AMMECR1L: variants seen among roughly 807,000 people sequenced by gnomAD.
The protein encoded by AMMECR1L is AMMECR1-like protein.
A neutral mutation model predicts 36.8 loss-of-function variants in AMMECR1L; 4 were observed. The observed-to-expected ratio is 0.11, with a 90% CI of 0.05 to 0.25. The LOEUF is 0.25. AMMECR1L is among the 10% of genes least tolerant of loss of function. The pLI is 1.00. For synonymous variants in AMMECR1L, 147 were observed against 148.0 expected, an observed-to-expected ratio of 0.99 and a Z score of 0.05; for missense variants, 232 against 392.1, an observed-to-expected ratio of 0.59 and a Z score of 3.45.
chr2:127,879,293 T>G (rs577308997), intron 2 of AMMECR1L, among the ~76,000 whole-genome samples: 21 of 152,364 alleles, frequency 1.4e-4, no homozygotes, highest in Middle Eastern at 3.4e-3. Context: ...CCTTTGGTGC[T>G]GCACTCCTGA....
intron 2 of AMMECR1L, among the ~76,000 whole-genome samples, chr2:127,875,528 A>G (rs1455852457): frequency 6.6e-6 from 1 of 152,192 alleles, no homozygotes. Flanking sequence ...TCAACCTTTT[A>G]AATTTCAAAT....
chr2:127,871,440 T>C lies in AMMECR1L; in HGVS notation c.408-81A>G, dbSNP rs1690960148. 4 of 1,381,814 alleles carry C rather than the reference T, an allele frequency of 2.9e-6. No individual in the cohort carries two copies. Among genetic ancestry groups the C allele is most frequent in the South Asian group, 2.5e-5 (2 of 80,888 alleles). The allele number at this position is 1,381,814 out of a possible 1,614,324, so 85.6% of individuals were successfully genotyped here. ...ACAAAACCTTTTGGCTTTGTCCCTATTCATTTCTGTTATTGCCAAAAATCC... is the reference window on the plus strand; with the variant it reads ...ACAAAACCTTTTGGCTTTGTCCCTACTCATTTCTGTTATTGCCAAAAATCC... On this transcript the variant is annotated intron_variant, in intron 3 of 7. Coordinates refer to ENST00000272647, the MANE Select transcript of AMMECR1L (RefSeq NM_001199140.2). The surrounding 1 kb of genome is among the most constrained non-coding windows in gnomAD (Gnocchi z 4.3).
intron 2 of AMMECR1L, among the ~76,000 whole-genome samples, chr2:127,880,871 C>T (rs1241289465): frequency 6.6e-6 from 1 of 152,154 alleles, no homozygotes; most frequent in Non-Finnish European, 1.5e-5. Flanking sequence ...TGGAGTATCG[C>T]AGAACCTGAG....
chr2:127,868,841 C>A (rs991263531), intron 6 of AMMECR1L, among the ~76,000 whole-genome samples: 1 of 152,004 alleles, frequency 6.6e-6, no homozygotes. Context: ...TCTCCTGCCT[C>A]AGCCTCCTGA....
intron 2 of AMMECR1L, among the ~76,000 whole-genome samples, chr2:127,876,137 C>T (rs1231508942): frequency 2.0e-5 from 3 of 150,984 alleles, no homozygotes; most frequent in Non-Finnish European, 3.0e-5. Context: ...TTCCTTGAGC[C>T]GAGGAGTTTG....
rs1181550062 is a variant in AMMECR1L at position 127,867,202 on chromosome 2, C to T, written c.725-206G>A. ...GACTCTGAGACATGAGATGATAGCC[C>T]GACACATGCCATAATGGCTGTCCCC... On this transcript the variant is annotated intron_variant, in intron 6 of 7. Transcript: ENST00000272647. The T allele has an allele frequency of 1.0e-5, 10 of 985,460 alleles. No homozygotes were observed. In the South Asian group the frequency reaches 1.9e-4, roughly 19 times the overall value. 61.0% of individuals were successfully genotyped at this position (985,460 alleles called of 1,614,324 possible). A position where few individuals can be genotyped will look rare whatever the true frequency, so the allele number is the denominator to read the frequency against.
In AMMECR1L at chr2:127,874,051, C is replaced by T. The variant is rs771528499; in HGVS notation, c.184G>A (p.Glu62Lys). The change falls in exon 3 of 8, where the codon GAG (glutamate) becomes AAG (lysine). Residue 62 changes from glutamate to lysine, a missense_variant. Coordinates refer to ENST00000272647, the MANE Select transcript of AMMECR1L (RefSeq NM_001199140.2). This position sits in a 1 kb window ranked among gnomAD's most constrained non-coding sequence, Gnocchi z 5.2. ...CCCAGAGTTAAGTCTGACACATTCT[C>T]CCGTCCACTGCTGCTGTCCACATGC... ...HQHVDSSSGR[E>K]NVSDLTLGPG... The T allele has an allele frequency of 6.2e-7, 1 of 1,614,218 alleles. No homozygotes were observed.
chr2:127,870,121 C>A (rs1173344270), intron 5 of AMMECR1L, among the ~76,000 whole-genome samples: 7 of 151,950 alleles, frequency 4.6e-5, no homozygotes, highest in Non-Finnish European at 2.9e-5. Context: ...TTGAGACCAT[C>A]CTGGCTAACA....
At chr2:127,876,573 C>T (rs1002830402) in intron 2 of AMMECR1L, among the ~76,000 whole-genome samples, 2 of 152,088 alleles carry the variant, frequency 1.3e-5, no homozygotes, top group Non-Finnish European at 2.9e-5. Context: ...AGCAGAGTGC[C>T]TTGGTTTTTT....
rs561324275 is a variant in AMMECR1L, at chr2:127,877,329, C to T, written c.-38-3057G>A. Reference sequence around the variant, plus strand: ...CATCCACACTGCCACTAAGTGGCAGCGCTAGAATTTTTTTTTTTTTTTTTG... The same window carrying T: ...CATCCACACTGCCACTAAGTGGCAGTGCTAGAATTTTTTTTTTTTTTTTTG... On this transcript the variant is annotated intron_variant, in intron 2 of 7. Coordinates refer to ENST00000272647, the MANE Select transcript of AMMECR1L (RefSeq NM_001199140.2). 9.9e-4 allele frequency among the ~76,000 whole-genome samples: 133 copies of T among 134,434 alleles called. 1 individual carries two copies. Among genetic ancestry groups the T allele is most frequent in the Admixed American group, 5.7e-3 (76 of 13,444 alleles). 88.2% of individuals were successfully genotyped at this position (134,434 alleles called of 152,430 possible).
rs751509134 is a variant in AMMECR1L at position 127,874,116 on chromosome 2, G to A, written c.119C>T (p.Thr40Ile). The A allele has an allele frequency of 4.3e-6, 7 of 1,614,106 alleles. No homozygotes were observed. Among genetic ancestry groups the A allele is most frequent in the Non-Finnish European group, 5.9e-6 (7 of 1,180,050 alleles). Residue 40 changes from threonine (T) to isoleucine (I), a missense_variant, in exon 3 of 8, where the codon ACT becomes ATT. Around this residue, in one of 3 missense-constraint regions of AMMECR1L, gnomAD observed 109 missense variants for 128.1 expected, o/e 0.85. Coordinates refer to ENST00000272647, the MANE Select transcript of AMMECR1L (RefSeq NM_001199140.2). This position sits in a 1 kb window ranked among gnomAD's most constrained non-coding sequence, Gnocchi z 5.2. ...AGGTCCTGAACTAGAGCCGGGGACA[G>A]TTGTGGACTGATTCCCGTGACTGTG... ...GTHSHGNQST[T>I]VPGSSSGPLQ...
In AMMECR1L at chr2:127,865,271, A is replaced by G; in HGVS notation, c.822-66T>C. 9.0e-7 allele frequency: 1 copy of G among 1,109,710 alleles called. No individual in the cohort carries two copies. The highest frequency in any genetic ancestry group is 1.3e-6 in the Non-Finnish European group (1 of 769,370). 68.7% of individuals were successfully genotyped at this position (1,109,710 alleles called of 1,614,324 possible). ...GCTTCATTTTGTAAAGTCACTCAGC[A>G]GAGAAAAACCAAAAGCTTATTCCAC... On this transcript the variant is annotated intron_variant, in intron 7 of 7. Transcript: ENST00000272647. This position sits in a 1 kb window ranked among gnomAD's most constrained non-coding sequence, Gnocchi z 5.4.
rs543406768 is a variant in AMMECR1L at position 127,880,683 on chromosome 2, C to G, written c.-39+3520G>C. Among the ~76,000 whole-genome samples, 10 of 152,158 alleles carry G rather than the reference C, an allele frequency of 6.6e-5. No individual in the cohort carries two copies. In the East Asian group the frequency reaches 1.2e-3, roughly 18 times the overall value. ...CTTACAACTTAAAAATTTCAGCCAG[C>G]ACTGAACTCGGCATCACCCTGAGCC... On this transcript the variant is annotated intron_variant, in intron 2 of 7. Coordinates refer to ENST00000272647, the MANE Select transcript of AMMECR1L (RefSeq NM_001199140.2).
chr2:127,880,934 C>A (rs1691472609), intron 2 of AMMECR1L, among the ~76,000 whole-genome samples: 1 of 152,176 alleles, frequency 6.6e-6, no homozygotes. Flanking sequence ...TTCTATTCAG[C>A]CCAAACCAAG....
Position 127,870,911 on chromosome 2 carries a change from C to T in AMMECR1L, c.536G>A (p.Arg179Gln). 1 of 1,613,092 alleles carries T rather than the reference C, an allele frequency of 6.2e-7. No homozygotes were observed. Among genetic ancestry groups the T allele is most frequent in the Non-Finnish European group, 8.5e-7 (1 of 1,179,604 alleles). Residue 179 changes from arginine (R) to glutamine (Q), a missense_variant, in exon 5 of 8, where the codon CGA becomes CAA. Physicochemically the swap from Arg to Gln is conservative, Grantham distance 43. Around this residue, in one of 3 missense-constraint regions of AMMECR1L, gnomAD observed 83 missense variants for 229.5 expected, o/e 0.36. Transcript: ENST00000272647. Reference sequence around the variant, plus strand: ...CTCCTCTCGGGTCAGGGGGGGAAATCGGCTGTCCTTAAGTGCACTGGAGGG... The same window carrying T: ...CTCCTCTCGGGTCAGGGGGGGAAATTGGCTGTCCTTAAGTGCACTGGAGGG... ...YTLTSALKDS[R>Q]FPPLTREELP...
At chr2:127,878,651 T>TA (rs1691355216) in intron 2 of AMMECR1L, among the ~76,000 whole-genome samples, 1 of 152,192 alleles carries the variant, frequency 6.6e-6, no homozygotes, top group South Asian at 2.1e-4. Flanking sequence ...ACATGCCACA[T>TA]ACAATCACTG....
rs1690593720 is a variant in AMMECR1L at position 127,864,416 on chromosome 2, C to T, written c.*678G>A. The T allele has an allele frequency of 6.6e-6, 1 of 152,608 alleles. No individual in the cohort carries two copies. Among genetic ancestry groups the T allele is most frequent in the African/African-American group, 2.4e-5 (1 of 41,428 alleles). 9.5% of individuals were successfully genotyped at this position (152,608 alleles called of 1,614,324 possible). A position where few individuals can be genotyped will look rare whatever the true frequency, so the allele number is the denominator to read the frequency against. ...AATGCAGGAAGAGTGCCAGAAAATC[C>T]AACTGAGAGTGGGATGAGGATGAAA... On this transcript the variant is annotated 3_prime_UTR_variant, in exon 8 of 8. Transcript: ENST00000272647.
At chr2:127,880,580 G>A (rs1691447154) in intron 2 of AMMECR1L, among the ~76,000 whole-genome samples, 1 of 151,960 alleles carries the variant, frequency 6.6e-6, no homozygotes, top group Non-Finnish European at 1.5e-5. Context: ...CTTCATTAGG[G>A]CCTGCAACAA....
At chr2:127,882,133 A>G (rs559450484) in intron 2 of AMMECR1L, among the ~76,000 whole-genome samples, 1 of 152,356 alleles carries the variant, frequency 6.6e-6, no homozygotes, top group Admixed American at 6.5e-5. Flanking sequence ...ACCAGATTAA[A>G]ATATCTAGAA....
Sources: allele counts gnomAD v4.1 joint callset (sites outside exome capture counted in the v4.1 genomes callset), GRCh38; gene constraint gnomAD v4.1.1; regional missense constraint gnomAD v4.1.1; non-coding constraint Gnocchi (gnomAD v3.1); transcripts MANE v1.5; gene names NCBI Gene and HGNC (gene_info 2026-07-23, HGNC 2026-07-21).